The following ARID1B variants were observed in gnomAD, a reference collection of about 807,000 sequenced individuals.
ARID1B encodes the protein AT-rich interactive domain-containing protein 1B.
In ARID1B, 30 loss-of-function variants were observed where a neutral mutation model predicts 212.3. The ratio of observed to expected loss-of-function variants is 0.14; its 90% CI spans 0.11 to 0.19. The LOEUF (loss-of-function observed/expected upper bound fraction) is 0.19, where lower values mean the gene tolerates loss of function less well. ARID1B is among the 10% of genes least tolerant of loss of function. ARID1B has a pLI of 1.00. For synonymous variants in ARID1B, 1,402 were observed against 1,301.7 expected, an observed-to-expected ratio of 1.08 and a Z score of -1.66; for missense variants, 2,891 against 3,204.0, an observed-to-expected ratio of 0.90 and a Z score of 2.36.
rs572541798 is a variant in ARID1B, at chr6:157,133,272, C to A, written c.2761+65C>A. ...GTAGAAATTTTCTTAATGTGCTAGT[C>A]CTTCAAGATTTTAATATTGTAAACA... On this transcript the variant is annotated intron_variant, in intron 7 of 19. Transcript: ENST00000636930. The A allele has an allele frequency of 9.1e-5, 133 of 1,454,878 alleles. No homozygotes were observed. In the African/African-American group the frequency reaches 1.8e-3, roughly 19 times the overall value. The allele number at this position is 1,454,878 out of a possible 1,614,324, so 90.1% of individuals were successfully genotyped here.
chr6:157,113,436 A>T (rs957934354), intron 6 of ARID1B, among the ~76,000 whole-genome samples: 1 of 152,218 alleles, frequency 6.6e-6, no homozygotes, highest in Non-Finnish European at 1.5e-5. Flanking sequence ...CAGGCTGTGC[A>T]GCAGGCATGG....
At chr6:157,160,802 T>C (rs1386072130) in intron 8 of ARID1B, among the ~76,000 whole-genome samples, 1 of 152,218 alleles carries the variant, frequency 6.6e-6, no homozygotes, top group Non-Finnish European at 1.5e-5. Flanking sequence ...GTTTCTCTTT[T>C]CTCTTCTCCT....
At chr6:157,197,002 T>TA (rs1793774643) in intron 16 of ARID1B, among the ~76,000 whole-genome samples, 1 of 152,130 alleles carries the variant, frequency 6.6e-6, no homozygotes, top group Non-Finnish European at 1.5e-5. Flanking sequence ...GAGGAAAAGT[T>TA]ATTGAAATGG....
chr6:157,127,607 T>G (rs1788218664), intron 6 of ARID1B, among the ~76,000 whole-genome samples: 1 of 146,934 alleles, frequency 6.8e-6, no homozygotes, highest in South Asian at 2.2e-4. Flanking sequence ...CGGTCTCTAC[T>G]AAAAATACAA....
chr6:156,929,729 T>C (rs965315081), intron 3 of ARID1B, among the ~76,000 whole-genome samples: 2 of 152,204 alleles, frequency 1.3e-5, no homozygotes, highest in Non-Finnish European at 2.9e-5. Flanking sequence ...CCAGACACCA[T>C]GGAGGCTCTG....
At chr6:156,923,756 G>C (rs968885568) in intron 3 of ARID1B, among the ~76,000 whole-genome samples, 1 of 150,544 alleles carries the variant, frequency 6.6e-6, no homozygotes, top group Non-Finnish European at 1.5e-5. Context: ...CCAGGCTGGA[G>C]TGCAGTGGTA....
At chr6:157,161,887 A>G (rs548156813) in intron 8 of ARID1B, among the ~76,000 whole-genome samples, 2 of 152,316 alleles carry the variant, frequency 1.3e-5, no homozygotes, top group East Asian at 1.9e-4. Flanking sequence ...AGAGAAAGTT[A>G]TGTACACCTG....
In ARID1B at chr6:157,209,079, G is replaced by C. The variant is rs936622448; in HGVS notation, c.*1188G>C. ...TAAAAGGAAGAAACACAACTTCAAA[G>C]ATTTTTCAGTGATGAGAATCCACAT... On this transcript the variant is annotated 3_prime_UTR_variant, in exon 20 of 20. Coordinates refer to ENST00000636930, the MANE Select transcript of ARID1B (RefSeq NM_001374828.1). 8.9e-6 allele frequency: 2 copies of C among 224,554 alleles called. No individual in the cohort carries two copies. The highest frequency in any genetic ancestry group is 4.5e-5 in the African/African-American group (2 of 44,002). 13.9% of individuals were successfully genotyped at this position (224,554 alleles called of 1,614,324 possible). A position where few individuals can be genotyped will look rare whatever the true frequency, so the allele number is the denominator to read the frequency against.
intron 4 of ARID1B, chr6:157,072,555 G>A (rs891620910): frequency 1.3e-5 from 2 of 152,062 alleles, no homozygotes. Context: ...CAATAAAATT[G>A]TACTGTTTAT....
upstream of ARID1B, chr6:156,776,578 C>T (rs907358972): frequency 6.6e-6 from 1 of 152,190 alleles, no homozygotes; most frequent in Admixed American, 6.5e-5. Context: ...GTTAAATGTT[C>T]ATGTGAAAGT....
intron 1 of ARID1B, among the ~76,000 whole-genome samples, chr6:156,817,606 G>A (rs1242239853): frequency 6.6e-6 from 1 of 151,490 alleles, no homozygotes; most frequent in African/African-American, 2.4e-5. Flanking sequence ...CAGCCTGTGT[G>A]ACAGAGCAGG....
At chr6:156,788,400 C>A (rs1460615375) in intron 1 of ARID1B, among the ~76,000 whole-genome samples, 1 of 152,102 alleles carries the variant, frequency 6.6e-6, no homozygotes, top group Non-Finnish European at 1.5e-5. Context: ...GCCATTGGCC[C>A]CAAGCTGCTA....
chr6:157,047,829 C>G (rs73793034), intron 4 of ARID1B, among the ~76,000 whole-genome samples: 5,027 of 152,232 alleles, frequency 0.033, 274 homozygotes, highest in African/African-American at 0.11. Context: ...TGCATATATT[C>G]TCTTATCCCC....
intron 4 of ARID1B, among the ~76,000 whole-genome samples, chr6:157,080,966 G>C (rs1199843490): frequency 6.6e-6 from 1 of 152,212 alleles, no homozygotes; most frequent in African/African-American, 2.4e-5. Context: ...GTCAGTTACT[G>C]AAAACCCAAC....
intron 1 of ARID1B, among the ~76,000 whole-genome samples, chr6:156,791,856 T>C (rs902660723): frequency 6.6e-6 from 1 of 152,220 alleles, no homozygotes; most frequent in African/African-American, 2.4e-5. Flanking sequence ...AAGGACATTG[T>C]TATTATGGGC....
rs751075039 is a variant in ARID1B at position 156,966,370 on chromosome 6, ACTTTT to A, written c.2247+30810_2247+30814del. Among the ~76,000 whole-genome samples the A allele has an allele frequency of 9.1e-3, 1,254 of 138,146 alleles. 26 individuals are homozygous for A. The highest frequency in any genetic ancestry group is 0.032 in the African/African-American group (1,127 of 35,074). The allele number at this position is 138,146 out of a possible 152,430, so 90.6% of individuals were successfully genotyped here. Reference sequence around the variant, plus strand: ...AATCACTACAATACAGACATAAATAACTTTTCTTTTCTTTTCTTTTTTTTTTTTTT... The same window carrying A: ...AATCACTACAATACAGACATAAATAACTTTTCTTTTCTTTTTTTTTTTTTT... On this transcript the variant is annotated intron_variant, in intron 4 of 19. Coordinates refer to ENST00000636930, the MANE Select transcript of ARID1B (RefSeq NM_001374828.1).
At chr6:156,907,115 T>C (rs1364456057) in intron 3 of ARID1B, among the ~76,000 whole-genome samples, 1 of 152,214 alleles carries the variant, frequency 6.6e-6, no homozygotes, top group African/African-American at 2.4e-5. Flanking sequence ...CTGGCTCCCC[T>C]GTATGCATTC....
chr6:157,184,486 C>G (rs562270625), intron 13 of ARID1B, 51 bp downstream of exon 13: 1 of 1,605,730 alleles, frequency 6.2e-7, no homozygotes, highest in Non-Finnish European at 8.5e-7. Context: ...GGCGCCTGGC[C>G]TGGGAGGTTC....
intron 2 of ARID1B, among the ~76,000 whole-genome samples, chr6:156,894,286 C>CG (rs1322710814): frequency 1.0e-3 from 25 of 24,110 alleles, no homozygotes; most frequent in South Asian, 2.7e-3. Flanking sequence ...GGATGGGGGC[C>CG]GGGGGGTTGG....
Sources: gnomAD v4.1 joint callset for allele counts (sites outside exome capture counted in the v4.1 genomes callset) on GRCh38, gnomAD v4.1.1 for gene constraint, MANE v1.5 for transcripts, NCBI Gene and HGNC (gene_info 2026-07-23, HGNC 2026-07-21) for gene names.